Variants in FAM110C observed in about 807,000 individuals in gnomAD.
FAM110C encodes family with sequence similarity 110 member C.
In FAM110C, 19 loss-of-function variants were observed where a neutral mutation model predicts 15.7. The observed-to-expected ratio is 1.21, with a 90% confidence interval of 0.85 to 1.78. FAM110C has a LOEUF of 1.78. FAM110C is among the 40% of genes most tolerant of loss of function. FAM110C has a pLI of 0.00. For missense variants in FAM110C, 547 were observed against 495.7 expected, an observed-to-expected ratio of 1.10 and a Z score of -0.98; for synonymous variants, 275 against 233.9, an observed-to-expected ratio of 1.18 and a Z score of -1.61.
chr2:46,461 G>A lies in FAM110C; in HGVS notation c.-76C>T. Reference sequence around the variant, plus strand: ...CGAGTGGTAGAGCCAGTCAGTCCCAGGGCCGGTTCCGAAGTCCGCGCCGGG... The same window carrying A: ...CGAGTGGTAGAGCCAGTCAGTCCCAAGGCCGGTTCCGAAGTCCGCGCCGGG... On this transcript the variant is annotated 5_prime_UTR_variant, in exon 1 of 2. Coordinates refer to ENST00000327669, the MANE Select transcript of FAM110C (RefSeq NM_001077710.3). 1.7e-6 allele frequency: 2 copies of A among 1,163,770 alleles called. No homozygotes were observed. Among genetic ancestry groups the A allele is most frequent in the Non-Finnish European group, 2.2e-6 (2 of 920,694 alleles). The allele number at this position is 1,163,770 out of a possible 1,614,324, so 72.1% of individuals were successfully genotyped here.
chr2:45,616 C>G lies in FAM110C; in HGVS notation c.770G>C (p.Gly257Ala), dbSNP rs748103488. The G allele has an allele frequency of 3.1e-6, 5 of 1,613,196 alleles. No homozygotes were observed. The highest frequency in any genetic ancestry group is 4.2e-6 in the Non-Finnish European group (5 of 1,179,862). Residue 257 changes from glycine (G) to alanine (A), a missense_variant, in exon 1 of 2, where the codon GGC becomes GCC. Gly to Ala is a moderately conservative substitution (Grantham distance 60). Coordinates refer to ENST00000327669, the MANE Select transcript of FAM110C (RefSeq NM_001077710.3). Reference sequence around the variant, plus strand: ...GCCGCTGTGCCGGGAGAAGCCGCTGCCGGAGGTGGCGACGCTCACGCTGCG... The same window carrying G: ...GCCGCTGTGCCGGGAGAAGCCGCTGGCGGAGGTGGCGACGCTCACGCTGCG... ...KVRSVSVATS[G>A]SGFSRHSGGD...
In FAM110C at chr2:40,036, G is replaced by A. The variant is rs1038366075; in HGVS notation, c.*1572C>T. On this transcript the variant is annotated 3_prime_UTR_variant, in exon 2 of 2. Coordinates refer to ENST00000327669, the MANE Select transcript of FAM110C (RefSeq NM_001077710.3). The stretch of plus-strand genomic sequence containing the variant: ...AAAGGCTCCCTAAATGTGTATCTGA[G>A]ACTTATTTGAAAACAAGTCACCATA... The A allele has an allele frequency of 2.0e-5, 3 of 152,154 alleles. No individual in the cohort carries two copies. The highest frequency in any genetic ancestry group is 7.2e-5 in the African/African-American group (3 of 41,420). The allele number at this position is 152,154 out of a possible 1,614,324, so 9.4% of individuals were successfully genotyped here. A position where few individuals can be genotyped will look rare whatever the true frequency, so the allele number is the denominator to read the frequency against.
chr2:45,016 G>A, intron 1 of FAM110C: 1 of 985,328 alleles, frequency 1.0e-6, no homozygotes, highest in Non-Finnish European at 1.2e-6. Flanking sequence ...TCAAACATCA[G>A]GACCGCCCAC....
chr2:46,079 A>G lies in FAM110C; in HGVS notation c.307T>C (p.Tyr103His), dbSNP rs376180184. 5.2e-6 allele frequency: 8 copies of G among 1,524,410 alleles called. No individual in the cohort carries two copies. The highest frequency in any genetic ancestry group is 7.0e-6 in the Non-Finnish European group (8 of 1,143,486). 94.4% of individuals were successfully genotyped at this position (1,524,410 alleles called of 1,614,324 possible). A position where few individuals can be genotyped will look rare whatever the true frequency, so the allele number is the denominator to read the frequency against. Residue 103 changes from tyrosine (Y) to histidine (H), a missense_variant, in exon 1 of 2, where the codon TAC becomes CAC. Coordinates refer to ENST00000327669, the MANE Select transcript of FAM110C (RefSeq NM_001077710.3). ...KPLRPDSLII[Y>H]RQKCEFVRGS... is the part of the protein sequence containing the mutation. Reference sequence around the variant, plus strand: ...CGCACGAATTCGCATTTCTGCCGGTAGATGATCAGCGAGTCCGGTCTCAAC... The same window carrying G: ...CGCACGAATTCGCATTTCTGCCGGTGGATGATCAGCGAGTCCGGTCTCAAC...
rs1664058896 is a variant in FAM110C at position 39,080 on chromosome 2, G to A, written c.*2528C>T. The A allele has an allele frequency of 1.3e-5, 2 of 152,102 alleles. No individual in the cohort carries two copies. The highest frequency in any genetic ancestry group is 1.5e-5 in the Non-Finnish European group (1 of 68,016). The allele number at this position is 152,102 out of a possible 1,614,324, so 9.4% of individuals were successfully genotyped here. A position where few individuals can be genotyped will look rare whatever the true frequency, so the allele number is the denominator to read the frequency against. The stretch of plus-strand genomic sequence containing the variant: ...ATTCTATTATGTTTAATTACATTTT[G>A]AAAAATTGTCGTTCTTTCATGAACA... On this transcript the variant is annotated 3_prime_UTR_variant, in exon 2 of 2. Transcript: ENST00000327669.
chr2:42,824 G>A, intron 1 of FAM110C: 1 of 985,352 alleles, frequency 1.0e-6, no homozygotes, highest in Non-Finnish European at 1.2e-6. Context: ...TTCGTCTCAA[G>A]TTTTCTGAAT....
intron 1 of FAM110C, chr2:44,155 A>C (rs1664211091): frequency 1.0e-6 from 1 of 985,340 alleles, no homozygotes; most frequent in African/African-American, 1.7e-5. Flanking sequence ...AAAACTACAA[A>C]TTAATGTTTG....
chr2:46,274 C>A lies in FAM110C; in HGVS notation c.112G>T (p.Glu38Ter). The change falls in exon 1 of 2, where the codon GAG (glutamate) becomes TAG (stop). Residue 38 changes from glutamate (E) to a stop codon, truncating the protein, a stop_gained. Transcript: ENST00000327669. LOFTEE classifies it high-confidence loss of function. ...TTGGCGCGATCCGCCGCCAGCCTCT[C>A]CACTGCGCTCCTGCGCGCCGGCCGC... ...AARPARRSAV[E>*]RLAADRAKYV... 7.2e-7 allele frequency: 1 copy of A among 1,389,944 alleles called. No homozygotes were observed. The highest frequency in any genetic ancestry group is 9.3e-7 in the Non-Finnish European group (1 of 1,075,288). The allele number at this position is 1,389,944 out of a possible 1,614,324, so 86.1% of individuals were successfully genotyped here. A position where few individuals can be genotyped will look rare whatever the true frequency, so the allele number is the denominator to read the frequency against.
At chr2:41,996 A>C in intron 1 of FAM110C, 1 of 985,426 alleles carries the variant, frequency 1.0e-6, no homozygotes, top group Non-Finnish European at 1.2e-6. Context: ...CAGGCAGTTG[A>C]ACTAAATATC....
rs559833493 is a variant in FAM110C at position 39,341 on chromosome 2, C to G, written c.*2267G>C. 1 of 152,152 alleles carries G rather than the reference C, an allele frequency of 6.6e-6. No individual in the cohort carries two copies. Among genetic ancestry groups the G allele is most frequent in the Non-Finnish European group, 1.5e-5 (1 of 68,044 alleles). The allele number at this position is 152,152 out of a possible 1,614,324, so 9.4% of individuals were successfully genotyped here. A position where few individuals can be genotyped will look rare whatever the true frequency, so the allele number is the denominator to read the frequency against. Reference sequence around the variant, plus strand: ...GTGGTGCAATCATGGTTCACTGCAACCTTGAACCCCAAGGCACAAGTGATC... The same window carrying G: ...GTGGTGCAATCATGGTTCACTGCAAGCTTGAACCCCAAGGCACAAGTGATC... On this transcript the variant is annotated 3_prime_UTR_variant, in exon 2 of 2. Transcript: ENST00000327669.
At chr2:45,240 T>G (rs951097311) in intron 1 of FAM110C, 200 bp downstream of exon 1, 1 of 985,286 alleles carries the variant, frequency 1.0e-6, no homozygotes, top group African/African-American at 1.7e-5. Context: ...GGTGCCTGGA[T>G]TGGTACCTTC....
At position 46,005 on chromosome 2, in the gene FAM110C, G is replaced by C. The variant is rs200975650; in HGVS notation, c.381C>G (p.Phe127Leu). Residue 127 changes from phenylalanine (F) to leucine (L), a missense_variant, in exon 1 of 2, where the codon TTC becomes TTG. Coordinates refer to ENST00000327669, the MANE Select transcript of FAM110C (RefSeq NM_001077710.3). ...GCGCCTTGTCCTTACCCGGCCCCTG[G>C]AAGAGCTTCTTCACCAGGCTTGCCC... ...GPRASLVKKL[F>L]QGPGKDKAPV... 20 of 1,475,988 alleles carry C rather than the reference G, an allele frequency of 1.4e-5. No homozygotes were observed. The Admixed American group carries it at 4.1e-4, about 30-fold the overall frequency. 91.4% of individuals were successfully genotyped at this position (1,475,988 alleles called of 1,614,324 possible).
chr2:43,190 G>C (rs1171180606), intron 1 of FAM110C: 2 of 985,442 alleles, frequency 2.0e-6, no homozygotes, highest in South Asian at 9.4e-5. Flanking sequence ...AAAGAGGCCT[G>C]TGCTGTTTTG....
intron 1 of FAM110C, chr2:44,706 G>C (rs1362831090): frequency 4.1e-6 from 4 of 985,242 alleles, no homozygotes; most frequent in African/African-American, 3.5e-5. Flanking sequence ...CGGCACTACT[G>C]GTTGTCCAAA....
chr2:45,641 G>A lies in FAM110C; in HGVS notation c.745C>T (p.Arg249Cys), dbSNP rs766976658. ...AGSDCVTLKV[R>C]SVSVATSGSG... ...CCGGAGGTGGCGACGCTCACGCTGC[G>A]CACCTTGAGGGTCACACAGTCCGAC... The change falls in exon 1 of 2, where the codon CGC (arginine) becomes TGC (cysteine). Residue 249 changes from arginine (R) to cysteine (C), a missense_variant. Physicochemically the swap from Arg to Cys is radical, Grantham distance 180 (BLOSUM62 -3). Coordinates refer to ENST00000327669, the MANE Select transcript of FAM110C (RefSeq NM_001077710.3). 3 of 1,612,314 alleles carry A rather than the reference G, an allele frequency of 1.9e-6. No homozygotes were observed. Among genetic ancestry groups the A allele is most frequent in the South Asian group, 2.2e-5 (2 of 90,896 alleles).
At chr2:43,458 C>T (rs1664183116) in intron 1 of FAM110C, 2 of 985,320 alleles carry the variant, frequency 2.0e-6, no homozygotes, top group South Asian at 9.4e-5. Flanking sequence ...CTCTCACTTT[C>T]CCTCTTCCTT....
chr2:46,011 C>T lies in FAM110C; in HGVS notation c.375G>A (p.Lys125=), dbSNP rs1347791366. The T allele has an allele frequency of 2.0e-6, 3 of 1,480,660 alleles. No homozygotes were observed. Among genetic ancestry groups the T allele is most frequent in the South Asian group, 1.4e-5 (1 of 73,956 alleles). The allele number at this position is 1,480,660 out of a possible 1,614,324, so 91.7% of individuals were successfully genotyped here. The stretch of plus-strand genomic sequence containing the variant: ...TGTCCTTACCCGGCCCCTGGAAGAG[C>T]TTCTTCACCAGGCTTGCCCTGGGGC... ...ADGPRASLVK[K]LFQGPGKDKA... Residue 125 remains lysine, a synonymous_variant, in exon 1 of 2, where the codon AAG becomes AAA. Transcript: ENST00000327669.
At chr2:42,370 G>C in intron 1 of FAM110C, 1 of 949,298 alleles carries the variant, frequency 1.1e-6, no homozygotes, top group Non-Finnish European at 1.3e-6. Context: ...ATTTCCCAAA[G>C]GACAAGTTAT....
At chr2:42,758 G>A (rs545333501) in intron 1 of FAM110C, 3 of 853,602 alleles carry the variant, frequency 3.5e-6, no homozygotes, top group East Asian at 2.4e-4. Context: ...TCTACCAAGA[G>A]GACAAAAACC....
Sources: allele counts gnomAD v4.1 joint callset, GRCh38; gene constraint gnomAD v4.1.1; transcripts MANE v1.5; gene names NCBI Gene and HGNC (gene_info 2026-07-23, HGNC 2026-07-21).